LOC122539214: variants seen among roughly 807,000 people sequenced by gnomAD.
the LOC122539214 span, among the ~76,000 whole-genome samples, chr19:52,672,075 A>G: frequency 2.0e-5 from 3 of 152,064 alleles, no homozygotes; most frequent in Non-Finnish European, 4.4e-5. Flanking sequence ...CTGTACTAAA[A>G]ATACAACAAT....
the LOC122539214 span, among the ~76,000 whole-genome samples, chr19:52,677,684 G>T: frequency 2.5e-5 from 3 of 121,020 alleles, no homozygotes; most frequent in Non-Finnish European, 5.0e-5. Context: ...CAGCAATGGG[G>T]GAGACCACAG....
the LOC122539214 span, among the ~76,000 whole-genome samples, chr19:52,679,436 C>T: frequency 1.7e-4 from 26 of 152,224 alleles, no homozygotes; most frequent in African/African-American, 5.8e-4. Context: ...CAAGATGAAA[C>T]TCCGACTCTA....
the LOC122539214 span, among the ~76,000 whole-genome samples, chr19:52,689,071 TGCA>T: frequency 1.3e-5 from 2 of 152,162 alleles, no homozygotes; most frequent in Admixed American, 1.3e-4. Flanking sequence ...TTTCCTTTGA[TGCA>T]GCTACAAGGC....
the LOC122539214 span, chr19:52,650,874 C>G: frequency 6.6e-6 from 1 of 152,166 alleles, no homozygotes. Context: ...AAAGCTACAT[C>G]AATGCTAATG....
the LOC122539214 span, among the ~76,000 whole-genome samples, chr19:52,682,852 G>A: frequency 0.078 from 11,805 of 152,122 alleles, 500 homozygotes; most frequent in Non-Finnish European, 0.091. Context: ...CTGGGCCACA[G>A]AGCGACACCT....
the LOC122539214 span, among the ~76,000 whole-genome samples, chr19:52,675,526 C>T: frequency 1.1e-4 from 17 of 151,946 alleles, no homozygotes; most frequent in Admixed American, 5.9e-4. Flanking sequence ...CTGATTTAAG[C>T]GGCCTCCTAT....
the LOC122539214 span, among the ~76,000 whole-genome samples, chr19:52,664,580 T>C: frequency 6.6e-6 from 1 of 152,208 alleles, no homozygotes; most frequent in African/African-American, 2.4e-5. Flanking sequence ...AACTTTTAAG[T>C]CCACGCCATC....
chr19:52,689,140 C>T, the LOC122539214 span, among the ~76,000 whole-genome samples: 4 of 152,296 alleles, frequency 2.6e-5, no homozygotes, highest in African/African-American at 9.6e-5. Context: ...CAACCTGTCA[C>T]TGTATAATTA....
chr19:52,682,478 C>T, the LOC122539214 span, among the ~76,000 whole-genome samples: 2 of 152,084 alleles, frequency 1.3e-5, no homozygotes, highest in African/African-American at 4.8e-5. Flanking sequence ...CAAGACCAGC[C>T]TGGCCAACAT....
chr19:52,685,536 T>C, the LOC122539214 span, among the ~76,000 whole-genome samples: 6 of 152,234 alleles, frequency 3.9e-5, no homozygotes, highest in African/African-American at 1.4e-4. Flanking sequence ...CACACAGTAA[T>C]TGACCTTGAA....
the LOC122539214 span, among the ~76,000 whole-genome samples, chr19:52,660,316 C>T: frequency 6.6e-6 from 1 of 152,086 alleles, no homozygotes; most frequent in African/African-American, 2.4e-5. Flanking sequence ...CAGGAAACTT[C>T]CAGATATCTG....
At chr19:52,682,990 CCTT>C in the LOC122539214 span, among the ~76,000 whole-genome samples, 2 of 152,138 alleles carry the variant, frequency 1.3e-5, no homozygotes, top group Non-Finnish European at 2.9e-5. Context: ...CCTGTCTCAG[CCTT>C]TTGAGTAGCT....
the LOC122539214 span, among the ~76,000 whole-genome samples, chr19:52,675,919 C>A: frequency 6.6e-6 from 1 of 152,182 alleles, no homozygotes; most frequent in Non-Finnish European, 1.5e-5. Context: ...AGGCCAGGTG[C>A]AGTGGCTCAT....
the LOC122539214 span, among the ~76,000 whole-genome samples, chr19:52,657,326 AG>A: frequency 1.3e-5 from 2 of 152,082 alleles, no homozygotes; most frequent in African/African-American, 4.8e-5. Context: ...ATTAAAAATT[AG>A]TGAAAAGGGG....
chr19:52,666,680 T>C, the LOC122539214 span, among the ~76,000 whole-genome samples: 1 of 148,098 alleles, frequency 6.8e-6, no homozygotes, highest in East Asian at 2.0e-4. Flanking sequence ...TCTTCAAGTA[T>C]GAGGCTATTC....
chr19:52,654,017 A>T, the LOC122539214 span: 7 of 1,549,120 alleles, frequency 4.5e-6, no homozygotes, highest in African/African-American at 9.5e-5. Context: ...ATTCTTTGGG[A>T]TGTTGAAACC....
At chr19:52,663,442 C>T in the LOC122539214 span, among the ~76,000 whole-genome samples, 1 of 152,184 alleles carries the variant, frequency 6.6e-6, no homozygotes, top group Non-Finnish European at 1.5e-5. Flanking sequence ...CAATCCAGCC[C>T]ATCCTTCAAC....
the LOC122539214 span, among the ~76,000 whole-genome samples, chr19:52,673,594 G>A: frequency 6.6e-6 from 1 of 152,100 alleles, no homozygotes; most frequent in African/African-American, 2.4e-5. Flanking sequence ...GCTTTTGAAA[G>A]CTGTTTTCCC....
the LOC122539214 span, among the ~76,000 whole-genome samples, chr19:52,669,161 T>G: frequency 6.6e-6 from 1 of 152,208 alleles, no homozygotes; most frequent in Admixed American, 6.5e-5. Flanking sequence ...CACTTATGCT[T>G]TAGTCCAATT....
Sources: allele counts gnomAD v4.1 joint callset (sites outside exome capture counted in the v4.1 genomes callset), GRCh38; gene constraint gnomAD v4.1.1; transcripts MANE v1.5.